LPCAT1: variants seen among roughly 807,000 people sequenced by gnomAD.
The protein encoded by LPCAT1 is 1-acylglycerol-3-phosphate O-acyltransferase.
A neutral mutation model predicts 60.9 loss-of-function variants in LPCAT1; 23 were observed. The observed-to-expected ratio is 0.38, with a 90% confidence interval of 0.27 to 0.53. LPCAT1 has a LOEUF of 0.53. LPCAT1 is among the 20% of genes least tolerant of loss of function. The probability of loss-of-function intolerance (pLI) is 0.82; values close to 1 mark genes in which losing one functional copy is unlikely to be tolerated. For synonymous variants in LPCAT1, 340 were observed against 301.1 expected, an observed-to-expected ratio of 1.13 and a Z score of -1.34; for missense variants, 622 against 723.6, an observed-to-expected ratio of 0.86 and a Z score of 1.61.
At position 1,505,642 on chromosome 5, in the gene LPCAT1, G is replaced by A. The variant is rs937921992; in HGVS notation, c.136-4039C>T. Among the ~76,000 whole-genome samples, 28 of 152,262 alleles carry A rather than the reference G, an allele frequency of 1.8e-4. 1 individual carries two copies. Among genetic ancestry groups the A allele is most frequent in the Non-Finnish European group, 3.8e-4 (26 of 68,042 alleles). ...GTGGGGGGATGCACTGTGAGACCACGTGACCCTCGGCTCGCGCACCCCCAC... is the reference window on the plus strand; with the variant it reads ...GTGGGGGGATGCACTGTGAGACCACATGACCCTCGGCTCGCGCACCCCCAC... On this transcript the variant is annotated intron_variant, in intron 1 of 13. Transcript: ENST00000283415.
At chr5:1,498,321 C>T (rs564089261) in intron 2 of LPCAT1, among the ~76,000 whole-genome samples, 1 of 152,324 alleles carries the variant, frequency 6.6e-6, no homozygotes, top group Non-Finnish European at 1.5e-5. Context: ...GTTCTCTCTT[C>T]TGTTTCCCTT....
At chr5:1,475,084 G>T (rs1734847810) in intron 9 of LPCAT1, among the ~76,000 whole-genome samples, 2 of 152,236 alleles carry the variant, frequency 1.3e-5, no homozygotes, top group Non-Finnish European at 2.9e-5. Flanking sequence ...TCAACACAGG[G>T]TTGCCACAAA....
chr5:1,503,695 C>A (rs574380737), intron 1 of LPCAT1, among the ~76,000 whole-genome samples: 1 of 152,222 alleles, frequency 6.6e-6, no homozygotes, highest in African/African-American at 2.4e-5. Flanking sequence ...AGCTCCTGAC[C>A]GTTGCTTCAC....
At chr5:1,517,274 G>C (rs1420477624) in intron 1 of LPCAT1, among the ~76,000 whole-genome samples, 3 of 152,166 alleles carry the variant, frequency 2.0e-5, no homozygotes, top group Non-Finnish European at 4.4e-5. Flanking sequence ...GCCGCGTGGG[G>C]ATGAGGGCCC....
chr5:1,509,408 G>A (rs1315590680), intron 1 of LPCAT1, among the ~76,000 whole-genome samples: 2 of 152,258 alleles, frequency 1.3e-5, no homozygotes, highest in South Asian at 2.1e-4. Flanking sequence ...GTGAGAGGGC[G>A]AGCGGCAGCA....
At position 1,483,542 on chromosome 5, in the gene LPCAT1, G is replaced by A; in HGVS notation, c.668-56C>T. On this transcript the variant is annotated intron_variant, in intron 5 of 13. Coordinates refer to ENST00000283415, the MANE Select transcript of LPCAT1 (RefSeq NM_024830.5). The surrounding 1 kb of genome is among the most constrained non-coding windows in gnomAD (Gnocchi z 9.2). ...TGGCAGCCCACGCAGGACAGCGTCT[G>A]CTGCGTTTCTCATGCTGCCCTTGGG... The A allele has an allele frequency of 6.4e-7, 1 of 1,567,218 alleles. No individual in the cohort carries two copies. The highest frequency in any genetic ancestry group is 8.8e-7 in the Non-Finnish European group (1 of 1,140,602).
chr5:1,465,810 G>A (rs1410274632), intron 13 of LPCAT1, among the ~76,000 whole-genome samples: 1 of 151,400 alleles, frequency 6.6e-6, no homozygotes, highest in Non-Finnish European at 1.5e-5. Context: ...AAAGAAGCAC[G>A]CACATGCGTG....
In LPCAT1 at chr5:1,491,621, C is replaced by T. The variant is rs142525696; in HGVS notation, c.494-1763G>A. On this transcript the variant is annotated intron_variant, in intron 3 of 13. Coordinates refer to ENST00000283415, the MANE Select transcript of LPCAT1 (RefSeq NM_024830.5). Reference sequence around the variant, plus strand: ...ACAGCAAGGAGATGCAGCTCCTCCCCGGGAGCCCTGAGGAGGGAAGGGTGT... The same window carrying T: ...ACAGCAAGGAGATGCAGCTCCTCCCTGGGAGCCCTGAGGAGGGAAGGGTGT... Among the ~76,000 whole-genome samples the T allele has an allele frequency of 9.2e-3, 1,405 of 152,216 alleles. 11 individuals carry two copies. The highest frequency in any genetic ancestry group is 0.013 in the Admixed American group (199 of 15,286).
Position 1,466,863 on chromosome 5 carries a change from C to T in LPCAT1, c.1306G>A (p.Val436Ile). 3 of 1,608,038 alleles carry T rather than the reference C, an allele frequency of 1.9e-6. No homozygotes were observed. The highest frequency in any genetic ancestry group is 2.6e-6 in the Non-Finnish European group (3 of 1,176,414). The change falls in exon 13 of 14, where the codon GTC becomes ATC. Residue 436 changes from valine to isoleucine, a missense_variant. Val to Ile is a conservative substitution (Grantham distance 29). Around this residue, in one of 3 missense-constraint regions of LPCAT1, gnomAD observed 288 missense variants for 283.6 expected, o/e 1.02. Transcript: ENST00000283415. ...KMYGAQEDGS[V>I]GEGDLSCILK... ...ATGCAGGACAGGTCACCTTCGCCGA[C>T]GCTGCCGTCCTCTTGCGCTCCGTAC... is the stretch of plus-strand genomic sequence containing the variant.
At position 1,502,675 on chromosome 5, in the gene LPCAT1, A is replaced by G. The variant is rs188541968; in HGVS notation, c.136-1072T>C. On this transcript the variant is annotated intron_variant, in intron 1 of 13. Transcript: ENST00000283415. This position sits in a 1 kb window ranked among gnomAD's most constrained non-coding sequence, Gnocchi z 5.5. ...GAGGCTTTGGGTGAGGGGAAACACC[A>G]GTCCTGAGGTGCAGGTTTAGTGCAG... 1.0e-3 allele frequency among the ~76,000 whole-genome samples: 152 copies of G among 152,278 alleles called. 3 individuals are homozygous for G. The South Asian group carries it at 0.021, about 21-fold the overall frequency.
chr5:1,471,299 C>T (rs941800773), intron 11 of LPCAT1, among the ~76,000 whole-genome samples: 2 of 152,240 alleles, frequency 1.3e-5, no homozygotes, highest in Admixed American at 1.3e-4. Context: ...CCCATTCATC[C>T]TGCAGAAAGA....
Position 1,464,759 on chromosome 5 carries a change from GCA to G in LPCAT1, c.1421-926_1421-925del, listed in dbSNP as rs369210112. ...ACGCAGACACACACACACAAAACAA[GCA>G]CACACACGGTAACCAAACACACGTG... On this transcript the variant is annotated intron_variant, in intron 13 of 13. Transcript: ENST00000283415. Among the ~76,000 whole-genome samples the G allele has an allele frequency of 4.4e-3, 445 of 102,148 alleles. 1 individual carries two copies. Among genetic ancestry groups the G allele is most frequent in the African/African-American group, 0.014 (393 of 27,376 alleles). The allele number at this position is 102,148 out of a possible 152,430, so 67.0% of individuals were successfully genotyped here.
chr5:1,479,345 A>G (rs570015571), intron 8 of LPCAT1: 3 of 485,144 alleles, frequency 6.2e-6, no homozygotes, highest in Non-Finnish European at 1.1e-5. Flanking sequence ...GCTACACTCC[A>G]GCCTGGGCAA....
In LPCAT1 at chr5:1,476,601, T is replaced by C. The variant is rs532931744; in HGVS notation, c.899+803A>G. ...GGTGGGGCCGGTGGACCGAGGCTGATGTGGCTTCCAAGTGGCTCCTGCAGC... is the reference window on the plus strand; with the variant it reads ...GGTGGGGCCGGTGGACCGAGGCTGACGTGGCTTCCAAGTGGCTCCTGCAGC... On this transcript the variant is annotated intron_variant, in intron 9 of 13. Transcript: ENST00000283415. The surrounding 1 kb of genome is among the most constrained non-coding windows in gnomAD (Gnocchi z 8.6). Among the ~76,000 whole-genome samples the C allele has an allele frequency of 6.6e-6, 1 of 152,264 alleles. No homozygotes were observed. The highest frequency in any genetic ancestry group is 1.9e-4 in the East Asian group (1 of 5,176).
intron 3 of LPCAT1, among the ~76,000 whole-genome samples, chr5:1,492,984 G>A (rs558172360): frequency 6.6e-6 from 1 of 152,338 alleles, no homozygotes; most frequent in East Asian, 1.9e-4. Flanking sequence ...TGGTTTCCTG[G>A]GTATGCCAGA....
chr5:1,521,425 C>G lies in LPCAT1; in HGVS notation c.135+2285G>C, dbSNP rs1736674158. The G allele has an allele frequency of 3.0e-6, 3 of 985,282 alleles. No homozygotes were observed. The highest frequency in any genetic ancestry group is 3.6e-6 in the Non-Finnish European group (3 of 829,898). 61.0% of individuals were successfully genotyped at this position (985,282 alleles called of 1,614,324 possible). A position where few individuals can be genotyped will look rare whatever the true frequency, so the allele number is the denominator to read the frequency against. ...CAGCCACTACTGGACCCATTTCTTT[C>G]TTTGGGGAAGAAGGCTTTCTTGGCT... On this transcript the variant is annotated intron_variant, in intron 1 of 13. Transcript: ENST00000283415. This position sits in a 1 kb window ranked among gnomAD's most constrained non-coding sequence, Gnocchi z 4.3.
At chr5:1,493,886 T>A (rs933550464) in intron 3 of LPCAT1, among the ~76,000 whole-genome samples, 5 of 152,226 alleles carry the variant, frequency 3.3e-5, no homozygotes, top group African/African-American at 4.8e-5. Context: ...GAGAGCATCC[T>A]GGATCACCCA....
intron 2 of LPCAT1, among the ~76,000 whole-genome samples, chr5:1,500,071 C>T (rs866995359): frequency 6.6e-6 from 1 of 152,256 alleles, no homozygotes; most frequent in African/African-American, 2.4e-5. Context: ...CAGCCCTGAA[C>T]ATCACGCAGG....
intron 1 of LPCAT1, among the ~76,000 whole-genome samples, chr5:1,503,197 C>T (rs528348734): frequency 4.7e-4 from 72 of 152,282 alleles, no homozygotes; most frequent in African/African-American, 1.6e-3. Flanking sequence ...GGGGGCTGCT[C>T]CTCACCCCAG....
Sources: gnomAD v4.1 joint callset for allele counts (sites outside exome capture counted in the v4.1 genomes callset) on GRCh38, gnomAD v4.1.1 for gene constraint, gnomAD v4.1.1 regional missense constraint, Gnocchi (gnomAD v3.1) non-coding constraint, MANE v1.5 for transcripts, NCBI Gene and HGNC (gene_info 2026-07-23, HGNC 2026-07-21) for gene names.